Variants in CADPS observed in about 807,000 individuals in gnomAD.
CADPS encodes the protein calcium dependent secretion activator.
A neutral mutation model predicts 167.3 loss-of-function variants in CADPS; 57 were observed. The ratio of observed to expected loss-of-function variants is 0.34; its 90% CI spans 0.28 to 0.42. The LOEUF (loss-of-function observed/expected upper bound fraction) is 0.42, where lower values mean the gene tolerates loss of function less well. Ranked by LOEUF, CADPS falls within the 20% of genes least tolerant of loss-of-function variation. CADPS has a pLI of 1.00. For synonymous variants in CADPS, 676 were observed against 635.3 expected, an observed-to-expected ratio of 1.06 and a Z score of -0.96; for missense variants, 1,414 against 1,738.1, an observed-to-expected ratio of 0.81 and a Z score of 3.32.
intron 6 of CADPS, among the ~76,000 whole-genome samples, chr3:62,622,370 T>G (rs1448060349): frequency 1.3e-5 from 2 of 152,114 alleles, no homozygotes; most frequent in African/African-American, 4.8e-5. Flanking sequence ...TTGTTACTTG[T>G]TTCCCAGGCC....
At chr3:62,818,004 T>C (rs1530049) in intron 1 of CADPS, among the ~76,000 whole-genome samples, 27,405 of 152,122 alleles carry the variant, frequency 0.18, 2,720 homozygotes, top group Middle Eastern at 0.36. Flanking sequence ...CACATTTGGT[T>C]TAAGTGACTT....
At chr3:62,466,246 G>T in intron 25 of CADPS, 93 bp downstream of exon 25, 1 of 824,136 alleles carries the variant, frequency 1.2e-6, no homozygotes, top group Non-Finnish European at 2.0e-6. Flanking sequence ...CAAGTATCCA[G>T]CTCAACTTTT....
intron 1 of CADPS, among the ~76,000 whole-genome samples, chr3:62,784,636 A>G (rs2092207573): frequency 6.6e-6 from 1 of 152,164 alleles, no homozygotes; most frequent in South Asian, 2.1e-4. Flanking sequence ...CCTATTACCA[A>G]TTTATGGGGA....
At chr3:62,833,443 C>T (rs915925377) in intron 1 of CADPS, among the ~76,000 whole-genome samples, 1 of 151,820 alleles carries the variant, frequency 6.6e-6, no homozygotes, top group African/African-American at 2.4e-5. Flanking sequence ...GTGGAAGCCA[C>T]TTTGGGAGGC....
chr3:62,649,717 TA>T (rs982759723), intron 5 of CADPS, among the ~76,000 whole-genome samples: 1 of 151,452 alleles, frequency 6.6e-6, no homozygotes, highest in South Asian at 2.1e-4. Context: ...CTCAGCTAAT[TA>T]AAAAAAATTT....
chr3:62,426,556 G>A (rs1156380375), intron 28 of CADPS, among the ~76,000 whole-genome samples: 1 of 152,200 alleles, frequency 6.6e-6, no homozygotes, highest in Non-Finnish European at 1.5e-5. Context: ...TGCTTTAGAG[G>A]CATCGCCTCA....
intron 6 of CADPS, among the ~76,000 whole-genome samples, chr3:62,599,831 TA>T (rs2059633286): frequency 3.3e-4 from 2 of 6,116 alleles, no homozygotes; most frequent in African/African-American, 3.7e-4. Flanking sequence ...ATATTATATA[TA>T]TAATATATTA....
chr3:62,643,593 A>G (rs989009373), intron 6 of CADPS, among the ~76,000 whole-genome samples: 2 of 152,230 alleles, frequency 1.3e-5, no homozygotes, highest in African/African-American at 4.8e-5. Flanking sequence ...TGTTTTAACC[A>G]TTTACAAACA....
chr3:62,775,461 A>G (rs947859975), intron 1 of CADPS, among the ~76,000 whole-genome samples: 1 of 152,210 alleles, frequency 6.6e-6, no homozygotes, highest in East Asian at 1.9e-4. Context: ...ACAATACATA[A>G]AAAATCATAT....
At chr3:62,688,043 G>T (rs1212093957) in intron 3 of CADPS, among the ~76,000 whole-genome samples, 1 of 151,974 alleles carries the variant, frequency 6.6e-6, no homozygotes, top group Admixed American at 6.6e-5. Flanking sequence ...ATATTATACT[G>T]GTCAGGTGGT....
chr3:62,400,788 C>T (rs748714275), intron 29 of CADPS, among the ~76,000 whole-genome samples: 2 of 151,984 alleles, frequency 1.3e-5, no homozygotes, highest in African/African-American at 4.8e-5. Flanking sequence ...TTAGTAGAGA[C>T]AGGGTTTCAC....
chr3:62,571,837 T>G (rs893810741), intron 8 of CADPS, among the ~76,000 whole-genome samples: 1 of 152,218 alleles, frequency 6.6e-6, no homozygotes, highest in Non-Finnish European at 1.5e-5. Context: ...GTGCTGGGAT[T>G]ACAGGCGTGA....
At chr3:62,776,602 G>T (rs542818035) in intron 1 of CADPS, among the ~76,000 whole-genome samples, 2 of 152,048 alleles carry the variant, frequency 1.3e-5, no homozygotes, top group South Asian at 4.1e-4. Context: ...TGCAGTGAGT[G>T]GAGATTGCGC....
At chr3:62,512,426 T>G (rs1376081945) in intron 17 of CADPS, among the ~76,000 whole-genome samples, 1 of 152,156 alleles carries the variant, frequency 6.6e-6, no homozygotes, top group Admixed American at 6.6e-5. Context: ...AGAGGAAGAT[T>G]CATTTGGTTA....
chr3:62,572,190 G>A (rs996231068), intron 8 of CADPS, among the ~76,000 whole-genome samples: 1 of 152,150 alleles, frequency 6.6e-6, no homozygotes, highest in Non-Finnish European at 1.5e-5. Flanking sequence ...GCCCTTAAGA[G>A]TGGCTGGCAG....
chr3:62,418,326 T>C (rs1011667824), intron 28 of CADPS, among the ~76,000 whole-genome samples: 77 of 97,602 alleles, frequency 7.9e-4, no homozygotes, highest in African/African-American at 2.2e-3. Context: ...TTTTCTCTCT[T>C]TTTTTTTTTT....
chr3:62,750,993 C>T (rs73102272), intron 3 of CADPS, among the ~76,000 whole-genome samples: 2 of 152,066 alleles, frequency 1.3e-5, no homozygotes, highest in Non-Finnish European at 2.9e-5. Context: ...CACACTTCTG[C>T]GTATCTACTT....
At chr3:62,856,469 T>A (rs1195435977) in intron 1 of CADPS, among the ~76,000 whole-genome samples, 1 of 152,130 alleles carries the variant, frequency 6.6e-6, no homozygotes, top group African/African-American at 2.4e-5. Flanking sequence ...AAGCAATCTT[T>A]TATTTTAAAA....
rs1345231018 is a variant in CADPS, at chr3:62,557,392, G to T, written c.1753+13C>A. The T allele has an allele frequency of 8.8e-6, 14 of 1,591,502 alleles. No individual in the cohort carries two copies. Among genetic ancestry groups the T allele is most frequent in the Non-Finnish European group, 1.2e-5 (14 of 1,159,288 alleles). On this transcript the variant is annotated intron_variant, in intron 10 of 29. Transcript: ENST00000383710. ...GGGTTTGTGGGCTCGTGGCCTTGAG[G>T]GTCGGTGGGTACCTGGCTGGGGGTC...
Sources: gnomAD v4.1 joint callset for allele counts (sites outside exome capture counted in the v4.1 genomes callset) on GRCh38, gnomAD v4.1.1 for gene constraint, MANE v1.5 for transcripts, NCBI Gene and HGNC (gene_info 2026-07-23, HGNC 2026-07-21) for gene names.